Variants in LCORL observed in about 807,000 individuals in gnomAD.
LCORL encodes ligand-dependent nuclear receptor corepressor-like protein.
A neutral mutation model predicts 141.8 loss-of-function variants in LCORL; 41 were observed. The observed-to-expected ratio is 0.29, with a 90% CI of 0.23 to 0.38. The LOEUF (loss-of-function observed/expected upper bound fraction) is 0.38. Among genes scored for constraint, LCORL ranks in the 10% least tolerant of loss-of-function variants. The pLI, the probability that LCORL is intolerant of heterozygous loss-of-function variation, is 1.00. For synonymous variants in LCORL, 618 were observed against 694.1 expected, an observed-to-expected ratio of 0.89 and a Z score of 1.72; for missense variants, 1,759 against 2,035.0, an observed-to-expected ratio of 0.86 and a Z score of 2.61.
intron 1 of LCORL, among the ~76,000 whole-genome samples, chr4:18,001,180 C>T (rs1296099424): frequency 2.0e-5 from 3 of 152,100 alleles, no homozygotes; most frequent in African/African-American, 7.2e-5. Context: ...CATAAACAAA[C>T]AAACAAAAAC....
intron 5 of LCORL, among the ~76,000 whole-genome samples, chr4:17,901,063 CT>C (rs1281780748): frequency 6.6e-6 from 1 of 151,248 alleles, no homozygotes; most frequent in East Asian, 1.9e-4. Context: ...ATGTATTGTT[CT>C]TTTTTTTAAA....
chr4:17,912,170 G>T lies in LCORL; in HGVS notation c.431-2825C>A. The T allele has an allele frequency of 8.8e-6, 9 of 1,022,864 alleles. No homozygotes were observed. In the South Asian group the frequency reaches 1.1e-4, roughly 13 times the overall value. The allele number at this position is 1,022,864 out of a possible 1,614,324, so 63.4% of individuals were successfully genotyped here. On this transcript the variant is annotated intron_variant, in intron 4 of 7. Coordinates refer to ENST00000635767, the Ensembl canonical transcript of LCORL. ...ATTGTTCTGCAGATCGACAATGCCCGTCTTGCTGCTGATGACTTTAGAGTC... is the reference window on the plus strand; with the variant it reads ...ATTGTTCTGCAGATCGACAATGCCCTTCTTGCTGCTGATGACTTTAGAGTC...
chr4:17,891,220 T>C (rs1729022410), intron 5 of LCORL, among the ~76,000 whole-genome samples: 1 of 152,116 alleles, frequency 6.6e-6, no homozygotes, highest in South Asian at 2.1e-4. Flanking sequence ...TTTATTAATG[T>C]GCAAATTTTG....
At chr4:17,845,428 T>G in exon 8 of LCORL, 1 of 233,010 alleles carries the variant, frequency 4.3e-6, no homozygotes, top group Non-Finnish European at 8.4e-6. Flanking sequence ...ATTAAAACTT[T>G]GTGCACAGAA....
intron 5 of LCORL, among the ~76,000 whole-genome samples, chr4:17,902,620 T>C (rs962744507): frequency 3.3e-5 from 5 of 152,130 alleles, no homozygotes; most frequent in African/African-American, 7.2e-5. Context: ...CGTGACTCTC[T>C]TACACATAGT....
chr4:18,001,869 A>G (rs532647240), intron 1 of LCORL, among the ~76,000 whole-genome samples: 2 of 152,238 alleles, frequency 1.3e-5, no homozygotes, highest in Non-Finnish European at 2.9e-5. Flanking sequence ...AAAGTCTCCC[A>G]GAATCATTAT....
exon 8 of LCORL, chr4:17,841,995 C>A: frequency 4.2e-6 from 1 of 235,748 alleles, no homozygotes. Flanking sequence ...AGAGGTACTT[C>A]ATTATAACAC....
chr4:17,942,767 C>A (rs577570950), intron 4 of LCORL, among the ~76,000 whole-genome samples: 26 of 152,210 alleles, frequency 1.7e-4, no homozygotes, highest in African/African-American at 6.3e-4. Context: ...TTATATATTT[C>A]TTGGAGACGT....
intron 6 of LCORL, chr4:17,880,413 C>T: frequency 1.1e-6 from 1 of 880,672 alleles, no homozygotes; most frequent in Non-Finnish European, 1.4e-6. Flanking sequence ...AGATCCTTTG[C>T]TTTTAAAGTT....
exon 7 of LCORL, chr4:17,873,467 G>A (rs1056774845): frequency 9.7e-6 from 12 of 1,233,000 alleles, no homozygotes; most frequent in Non-Finnish European, 1.1e-5. Flanking sequence ...ACATTTCTGT[G>A]ATCTTCCATG....
chr4:17,951,670 A>AT (rs1446684880), intron 4 of LCORL, among the ~76,000 whole-genome samples: 6 of 152,322 alleles, frequency 3.9e-5, no homozygotes, highest in Admixed American at 3.3e-4. Flanking sequence ...GGATGTGTGT[A>AT]TATACACATT....
At chr4:17,939,150 C>T (rs964244942) in intron 4 of LCORL, among the ~76,000 whole-genome samples, 5 of 152,128 alleles carry the variant, frequency 3.3e-5, no homozygotes, top group Non-Finnish European at 7.4e-5. Context: ...AAGGAAGATA[C>T]ATGAATTGTC....
intron 4 of LCORL, among the ~76,000 whole-genome samples, chr4:17,934,092 G>C (rs1328185648): frequency 6.6e-6 from 1 of 151,960 alleles, no homozygotes; most frequent in African/African-American, 2.4e-5. Flanking sequence ...ATTTTTCACA[G>C]ATTACAGGGA....
chr4:18,019,627 G>T (rs1725167089), intron 1 of LCORL, among the ~76,000 whole-genome samples: 1 of 151,898 alleles, frequency 6.6e-6, no homozygotes, highest in South Asian at 2.1e-4. Flanking sequence ...TATTTTTCAA[G>T]TCTATCTATT....
At chr4:17,968,114 T>A (rs1715268811) in intron 2 of LCORL, among the ~76,000 whole-genome samples, 2 of 152,168 alleles carry the variant, frequency 1.3e-5, no homozygotes, top group Non-Finnish European at 2.9e-5. Context: ...TGCCTCGGCC[T>A]CCCAAAATGC....
At chr4:17,861,846 C>T (rs1340325583) in intron 7 of LCORL, among the ~76,000 whole-genome samples, 4 of 152,292 alleles carry the variant, frequency 2.6e-5, no homozygotes, top group African/African-American at 9.6e-5. Context: ...CAAAATGTTG[C>T]CAGTCTCTTT....
At chr4:17,904,483 C>T (rs1213519703) in intron 5 of LCORL, among the ~76,000 whole-genome samples, 1 of 152,082 alleles carries the variant, frequency 6.6e-6, no homozygotes, top group Non-Finnish European at 1.5e-5. Context: ...TTCTTCCCTA[C>T]TTTGAATTAA....
intron 2 of LCORL, among the ~76,000 whole-genome samples, chr4:17,969,589 A>T (rs1266625260): frequency 1.3e-5 from 2 of 152,180 alleles, no homozygotes; most frequent in Non-Finnish European, 2.9e-5. Flanking sequence ...TATAATACGC[A>T]TTTAATTTCA....
At chr4:18,009,398 C>T (rs775967559) in intron 1 of LCORL, among the ~76,000 whole-genome samples, 4 of 151,808 alleles carry the variant, frequency 2.6e-5, no homozygotes, top group Non-Finnish European at 1.5e-5. Context: ...ATCTCCTTAC[C>T]CTGTTCAGGT....
Sources: allele counts gnomAD v4.1 joint callset (sites outside exome capture counted in the v4.1 genomes callset), GRCh38; gene constraint gnomAD v4.1.1; transcripts MANE v1.5; gene names NCBI Gene and HGNC (gene_info 2026-07-23, HGNC 2026-07-21).